The following NUP98 variants were observed in gnomAD, a reference collection of about 807,000 sequenced individuals.
The protein encoded by NUP98 is nucleoporin 98 and 96 precursor.
Under a neutral mutation model 191.9 loss-of-function variants are expected in NUP98, and 26 were observed. The ratio of observed to expected loss-of-function variants is 0.14; its 90% CI spans 0.10 to 0.19. NUP98 has a LOEUF of 0.19. Among genes scored for constraint, NUP98 ranks in the 10% least tolerant of loss-of-function variants. The pLI, the probability that NUP98 is intolerant of heterozygous loss-of-function variation, is 1.00. For missense variants in NUP98, 1,941 were observed against 2,178.8 expected (o/e 0.89, Z 2.17); for synonymous variants, 808 against 778.4 (o/e 1.04, Z -0.63).
At chr11:3,785,304 A>C (rs2082105650) in intron 1 of NUP98, among the ~76,000 whole-genome samples, 2 of 152,078 alleles carry the variant, frequency 1.3e-5, no homozygotes, top group Non-Finnish European at 2.9e-5. Flanking sequence ...CTTAGTAGCA[A>C]TTCCCTCTAT....
intron 2 of NUP98, chr11:3,781,494 A>AG (rs2081968781): frequency 2.9e-5 from 1 of 34,934 alleles, no homozygotes; most frequent in Admixed American, 1.7e-4. Flanking sequence ...TCTGGTTTTA[A>AG]AAAAAAAAAA....
chr11:3,762,621 C>T (rs1362369568), intron 9 of NUP98, among the ~76,000 whole-genome samples: 1 of 152,066 alleles, frequency 6.6e-6, no homozygotes, highest in East Asian at 1.9e-4. Flanking sequence ...TCAATTTAGA[C>T]TCAACAATTT....
In NUP98 at chr11:3,691,431, G is replaced by A. The variant is rs1188090731; in HGVS notation, c.4370C>T (p.Ser1457Phe). The change falls in exon 28 of 33, where the codon TCT becomes TTT. Residue 1457 changes from serine to phenylalanine, a missense_variant. Ser to Phe is a radical substitution (Grantham distance 155). Around this residue, in one of 6 missense-constraint regions of NUP98, gnomAD observed 1,030 missense variants for 1,115.8 expected, o/e 0.92. Coordinates refer to ENST00000324932, the MANE Select transcript of NUP98 (RefSeq NM_016320.5). The part of the protein sequence containing the change: ...CSPLPSYLEG[S>F]GCVIAEEQNS... ...TTGCTCCTCCGCTATCACACAGCCA[G>A]AACCCTCCAGATACGAAGGAAGTGG... The A allele has an allele frequency of 1.2e-6, 2 of 1,614,172 alleles. No homozygotes were observed. The highest frequency in any genetic ancestry group is 2.2e-5 in the South Asian group (2 of 91,084).
At chr11:3,677,943 C>G (rs1351929494) in intron 31 of NUP98, among the ~76,000 whole-genome samples, 1 of 151,566 alleles carries the variant, frequency 6.6e-6, no homozygotes, top group Non-Finnish European at 1.5e-5. Context: ...TTGAGACCAG[C>G]CTGGCCAACA....
chr11:3,695,564 C>T lies in NUP98; in HGVS notation c.4052G>A (p.Ser1351Asn), dbSNP rs2078475188. Residue 1351 changes from serine (S) to asparagine (N), a missense_variant, in exon 26 of 33, where the codon AGC becomes AAC. Ser to Asn is a conservative substitution (Grantham distance 46). Around this residue, in one of 6 missense-constraint regions of NUP98, gnomAD observed 1,030 missense variants for 1,115.8 expected, o/e 0.92. Transcript: ENST00000324932. ...GGTGAGCAGCTCCCGGACTGACTGG[C>T]TACCCACAAACTGAGATAAAAGAAG... ...LALLLSQFVG[S>N]QSVRELLTMQ... 1 of 1,603,722 alleles carries T rather than the reference C, an allele frequency of 6.2e-7. No homozygotes were observed. Among genetic ancestry groups the T allele is most frequent in the Non-Finnish European group, 8.5e-7 (1 of 1,175,414 alleles).
In NUP98 at chr11:3,705,210, A is replaced by C. The variant is rs976567836; in HGVS notation, c.3072T>G (p.Thr1024=). The C allele has an allele frequency of 8.7e-6, 14 of 1,614,050 alleles. No individual in the cohort carries two copies. The highest frequency in any genetic ancestry group is 1.3e-5 in the African/African-American group (1 of 74,944). Residue 1024 remains threonine, a synonymous_variant, in exon 22 of 33, where the codon ACT becomes ACG. Coordinates refer to ENST00000324932, the MANE Select transcript of NUP98 (RefSeq NM_016320.5). ...TCTTTTATACTGTACCTAGTGAACG[A>C]GTTTTCGACGAGTGGGATGCTGAAA... The part of the protein sequence containing the change: ...LPISASHSSK[T]RSLVGGLLQS...
In NUP98 at chr11:3,744,590, G is replaced by A. The variant is rs1173718494; in HGVS notation, c.1327C>T (p.Leu443Phe). Residue 443 changes from leucine to phenylalanine, a missense_variant, in exon 12 of 33, where the codon CTT (leucine) becomes TTT (phenylalanine). Around this residue, in one of 6 missense-constraint regions of NUP98, gnomAD observed 453 missense variants for 438.2 expected, o/e 1.03. Transcript: ENST00000324932. ...GGGGCCCCAAAGGCTCCTGTACCAA[G>A]AGGCCCTCCAATCTTAGGTTGGTTG... ...GNNQPKIGGP[L>F]GTGAFGAPGF... 1.9e-6 allele frequency: 3 copies of A among 1,613,536 alleles called. No individual in the cohort carries two copies. In the African/African-American group the frequency reaches 4.0e-5, roughly 22 times the overall value.
At chr11:3,741,928 C>T (rs760474333) in intron 12 of NUP98, among the ~76,000 whole-genome samples, 3 of 152,184 alleles carry the variant, frequency 2.0e-5, no homozygotes, top group African/African-American at 7.2e-5. Flanking sequence ...TATTTTCAGA[C>T]CTCTAAGTAG....
Position 3,714,121 on chromosome 11 carries a change from G to GT in NUP98, c.2400-127dup, listed in dbSNP as rs1179384751. 3.1e-6 allele frequency: 3 copies of GT among 982,586 alleles called. No homozygotes were observed. In the Admixed American group the frequency reaches 7.8e-5, roughly 26 times the overall value. 60.9% of individuals were successfully genotyped at this position (982,586 alleles called of 1,614,324 possible). ...ATGCTGCCTTGGAATTATTCTGCAT[G>GT]TGTCATAAACTTGAGTTTTGCCCCA... On this transcript the variant is annotated intron_variant, in intron 18 of 32. Coordinates refer to ENST00000324932, the MANE Select transcript of NUP98 (RefSeq NM_016320.5).
rs955710362 is a variant in NUP98, at chr11:3,791,428, G to A, written c.-29+5972C>T. Among the ~76,000 whole-genome samples, 67 of 151,154 alleles carry A rather than the reference G, an allele frequency of 4.4e-4. 1 individual carries two copies. The highest frequency in any genetic ancestry group is 2.6e-4 in the Admixed American group (4 of 15,146). On this transcript the variant is annotated intron_variant, in intron 1 of 32. Coordinates refer to ENST00000324932, the MANE Select transcript of NUP98 (RefSeq NM_016320.5). ...GGACGCCTGTAATCCCAGCTACTTG[G>A]GAGGCGGAGACAGGAGAATCAGTGG...
rs536682644 is a variant in NUP98, at chr11:3,685,323, A to G, written c.4676+650T>C. On this transcript the variant is annotated intron_variant, in intron 29 of 32. Coordinates refer to ENST00000324932, the MANE Select transcript of NUP98 (RefSeq NM_016320.5). The stretch of plus-strand genomic sequence containing the variant: ...GCACAAGGCTGTGTTAATAAATACA[A>G]TACTATCAAGCTTAAGGAATGGGTC... Among the ~76,000 whole-genome samples, 94 of 152,318 alleles carry G rather than the reference A, an allele frequency of 6.2e-4. 1 individual carries two copies. Among genetic ancestry groups the G allele is most frequent in the African/African-American group, 2.2e-3 (91 of 41,572 alleles).
rs187596627 is a variant in NUP98 at position 3,727,245 on chromosome 11, G to A, written c.1731-2026C>T. Among the ~76,000 whole-genome samples, 91 of 152,204 alleles carry A rather than the reference G, an allele frequency of 6.0e-4. 2 individuals carry two copies. Among genetic ancestry groups the A allele is most frequent in the Middle Eastern group, 3.4e-3 (1 of 294 alleles). ...TCCCACGTACTTGAGAGGCTGAGCA[G>A]GATCACTTAAGGCCAGCCCGGGCAA... On this transcript the variant is annotated intron_variant, in intron 14 of 32. Transcript: ENST00000324932.
chr11:3,722,138 G>C (rs2079427541), intron 16 of NUP98, among the ~76,000 whole-genome samples: 1 of 140,686 alleles, frequency 7.1e-6, no homozygotes, highest in African/African-American at 2.7e-5. Flanking sequence ...TAGGAGACAG[G>C]ATCTTGGTCT....
intron 26 of NUP98, among the ~76,000 whole-genome samples, chr11:3,695,050 C>G (rs2078458691): frequency 6.6e-6 from 1 of 152,142 alleles, no homozygotes; most frequent in Non-Finnish European, 1.5e-5. Context: ...GTAGTCCCAG[C>G]TACTTGGGAG....
intron 6 of NUP98, among the ~76,000 whole-genome samples, chr11:3,772,705 CTCAGGAGGCTGAG>C (rs906844640): frequency 6.6e-6 from 1 of 151,964 alleles, no homozygotes; most frequent in Non-Finnish European, 1.5e-5. Flanking sequence ...ATCCCAGCTA[CTCAGGAGGCTGAG>C]GCAGGAGACT....
chr11:3,758,198 G>A (rs766576225), intron 10 of NUP98, among the ~76,000 whole-genome samples: 26 of 151,934 alleles, frequency 1.7e-4, no homozygotes, highest in Middle Eastern at 3.4e-3. Context: ...GTGGGTGCCC[G>A]TAGTCCCAGC....
At chr11:3,684,047 A>G (rs2078062110) in intron 29 of NUP98, among the ~76,000 whole-genome samples, 1 of 151,564 alleles carries the variant, frequency 6.6e-6, no homozygotes, top group Non-Finnish European at 1.5e-5. Flanking sequence ...GTCTCTGCAA[A>G]AAATAATTAA....
chr11:3,767,664 C>T (rs1214245634), intron 8 of NUP98, among the ~76,000 whole-genome samples: 2 of 152,006 alleles, frequency 1.3e-5, no homozygotes, highest in East Asian at 1.9e-4. Context: ...AATTTTAAGA[C>T]GAGGTAAATT....
intron 21 of NUP98, among the ~76,000 whole-genome samples, chr11:3,706,098 G>A (rs2078851097): frequency 6.6e-6 from 1 of 151,868 alleles, no homozygotes; most frequent in Non-Finnish European, 1.5e-5. Context: ...GAACCCAGGA[G>A]GTGGAGGTTG....
Sources: allele counts gnomAD v4.1 joint callset (sites outside exome capture counted in the v4.1 genomes callset), GRCh38; gene constraint gnomAD v4.1.1; regional missense constraint gnomAD v4.1.1; transcripts MANE v1.5; gene names NCBI Gene and HGNC (gene_info 2026-07-23, HGNC 2026-07-21).